Variants in TENM4 observed in about 807,000 individuals in gnomAD.
TENM4 encodes teneurin transmembrane protein 4, also known as teneurin-4.
In TENM4, 82 loss-of-function variants were observed where a neutral mutation model predicts 243.3. The observed-to-expected ratio is 0.34, with a 90% CI of 0.28 to 0.40. TENM4 has a LOEUF of 0.40. TENM4 is among the 10% of genes least tolerant of loss of function. The pLI is 1.00. For missense variants in TENM4, 3,138 were observed against 3,673.3 expected, an observed-to-expected ratio of 0.85 and a Z score of 3.77; for synonymous variants, 1,412 against 1,456.3, an observed-to-expected ratio of 0.97 and a Z score of 0.69.
intron 4 of TENM4, among the ~76,000 whole-genome samples, chr11:79,119,632 C>T (rs1383274268): frequency 6.6e-6 from 1 of 152,160 alleles, no homozygotes; most frequent in African/African-American, 2.4e-5. Context: ...CCAATGTGTT[C>T]CTAAGTAAGT....
intron 19 of TENM4, among the ~76,000 whole-genome samples, chr11:78,750,194 GCATACA>G (rs2135937216): frequency 6.6e-6 from 1 of 152,282 alleles, no homozygotes; most frequent in Admixed American, 6.5e-5. Context: ...AGTAGTTCAT[GCATACA>G]CATACACATG....
At chr11:79,391,591 T>C (rs939279512) in intron 1 of TENM4, among the ~76,000 whole-genome samples, 1 of 152,158 alleles carries the variant, frequency 6.6e-6, no homozygotes, top group Non-Finnish European at 1.5e-5. Context: ...AACCAAAAGG[T>C]TGGGTTTTTT....
chr11:79,028,378 G>A (rs1859137051), intron 6 of TENM4, among the ~76,000 whole-genome samples: 1 of 152,196 alleles, frequency 6.6e-6, no homozygotes, highest in Admixed American at 6.5e-5. Flanking sequence ...GAGGCTTCTT[G>A]CTCTCATGAG....
chr11:79,282,139 A>T (rs973264734), intron 2 of TENM4, among the ~76,000 whole-genome samples: 2 of 152,252 alleles, frequency 1.3e-5, no homozygotes, highest in African/African-American at 4.8e-5. Flanking sequence ...CCCGCAAGGA[A>T]ACAAAAAAGA....
At chr11:79,424,473 T>C (rs1859004954) in intron 1 of TENM4, among the ~76,000 whole-genome samples, 1 of 152,132 alleles carries the variant, frequency 6.6e-6, no homozygotes, top group Non-Finnish European at 1.5e-5. Context: ...CCAGGTATGA[T>C]GGCTGGATGC....
At chr11:78,941,691 C>A (rs1402433503) in intron 6 of TENM4, among the ~76,000 whole-genome samples, 1 of 152,144 alleles carries the variant, frequency 6.6e-6, no homozygotes. Flanking sequence ...CCCACCCCAG[C>A]GTGTTGTAGA....
At chr11:78,814,977 T>A (rs1182846741) in intron 12 of TENM4, among the ~76,000 whole-genome samples, 2 of 152,200 alleles carry the variant, frequency 1.3e-5, no homozygotes, top group African/African-American at 4.8e-5. Context: ...TCACCACCCA[T>A]CAGCCTAAGT....
chr11:79,403,166 A>G (rs915019069), intron 1 of TENM4, among the ~76,000 whole-genome samples: 1 of 152,222 alleles, frequency 6.6e-6, no homozygotes. Flanking sequence ...GGAATTCTCC[A>G]TATTTTCCAG....
intron 20 of TENM4, 35 bp downstream of exon 20, chr11:78,738,416 C>T (rs370507095): frequency 6.2e-7 from 1 of 1,602,902 alleles, no homozygotes; most frequent in Non-Finnish European, 8.5e-7. Flanking sequence ...AAGAGCGGGA[C>T]CTTCACTGTT....
At chr11:78,738,601 T>C (rs760807616) in intron 19 of TENM4, 31 bp from the exon 20 acceptor site, 6 of 1,606,642 alleles carry the variant, frequency 3.7e-6, no homozygotes, top group Admixed American at 1.7e-5. Flanking sequence ...ATAAACATGA[T>C]ACACCTTTCA....
At chr11:78,690,561 G>C (rs2135729994) in intron 28 of TENM4, among the ~76,000 whole-genome samples, 1 of 152,296 alleles carries the variant, frequency 6.6e-6, no homozygotes, top group South Asian at 2.1e-4. Context: ...GCCATCTGGG[G>C]AGGCAGATGC....
intron 12 of TENM4, among the ~76,000 whole-genome samples, chr11:78,833,274 A>G (rs760993900): frequency 3.3e-5 from 5 of 152,230 alleles, no homozygotes; most frequent in Non-Finnish European, 7.3e-5. Flanking sequence ...TATTTCTTCC[A>G]GAATTCACTT....
At chr11:79,028,655 G>A (rs1410341644) in intron 6 of TENM4, among the ~76,000 whole-genome samples, 2 of 152,230 alleles carry the variant, frequency 1.3e-5, no homozygotes, top group East Asian at 1.9e-4. Context: ...TCCTTTCAGG[G>A]GAAGACAATT....
intron 24 of TENM4, among the ~76,000 whole-genome samples, chr11:78,722,163 AC>A (rs971952293): frequency 6.6e-6 from 1 of 152,082 alleles, no homozygotes; most frequent in African/African-American, 2.4e-5. Context: ...GGCAGGTGCC[AC>A]CACACCCAGC....
At chr11:79,227,043 T>C (rs601412) in intron 2 of TENM4, among the ~76,000 whole-genome samples, 151,381 of 152,294 alleles carry the variant, frequency 0.99, 75,264 homozygotes, top group Middle Eastern at 1. Context: ...GGCTTCCGGG[T>C]AGGTTGGGCT....
At position 78,666,622 on chromosome 11, in the gene TENM4, G is replaced by A. The variant is rs961151635; in HGVS notation, c.7408+2315C>T. Among the ~76,000 whole-genome samples, 3 of 152,228 alleles carry A rather than the reference G, an allele frequency of 2.0e-5. No individual in the cohort carries two copies. The East Asian group carries it at 5.8e-4, about 29-fold the overall frequency. On this transcript the variant is annotated intron_variant, in intron 32 of 33. Coordinates refer to ENST00000278550, the MANE Select transcript of TENM4 (RefSeq NM_001098816.3). ...TGGTTGGTTGCTTTGTTAAAAGCTGGATTTGGAGGCCAGCATGATTGTAGT... is the reference window on the plus strand; with the variant it reads ...TGGTTGGTTGCTTTGTTAAAAGCTGAATTTGGAGGCCAGCATGATTGTAGT...
At chr11:79,334,634 A>G (rs1304684239) in intron 1 of TENM4, among the ~76,000 whole-genome samples, 2 of 152,216 alleles carry the variant, frequency 1.3e-5, no homozygotes, top group Non-Finnish European at 1.5e-5. Flanking sequence ...TCTGTAGCTT[A>G]GCATTTTGCA....
At chr11:78,869,177 G>A (rs1214850849) in intron 9 of TENM4, among the ~76,000 whole-genome samples, 3 of 152,052 alleles carry the variant, frequency 2.0e-5, no homozygotes, top group Admixed American at 2.0e-4. Context: ...ATAGGAGAAC[G>A]ACTTAGCTAA....
At chr11:78,933,207 G>A (rs936989338) in intron 6 of TENM4, among the ~76,000 whole-genome samples, 35 of 152,134 alleles carry the variant, frequency 2.3e-4, no homozygotes, top group African/African-American at 7.7e-4. Context: ...AGTGAGAATC[G>A]GTTTTCTCAT....
Sources: allele counts gnomAD v4.1 joint callset (sites outside exome capture counted in the v4.1 genomes callset), GRCh38; gene constraint gnomAD v4.1.1; transcripts MANE v1.5; gene names NCBI Gene and HGNC (gene_info 2026-07-23, HGNC 2026-07-21).